ATF6: variants seen among roughly 807,000 people sequenced by gnomAD.
The protein encoded by ATF6 is cyclic AMP-dependent transcription factor ATF-6 alpha.
A neutral mutation model predicts 83.6 loss-of-function variants in ATF6; 53 were observed. That is an observed-to-expected ratio of 0.63 (90% CI 0.51 to 0.80). The LOEUF (loss-of-function observed/expected upper bound fraction) is 0.80, where lower values mean the gene tolerates loss of function less well. Ranked by LOEUF, ATF6 falls within the 30% of genes least tolerant of loss-of-function variation. The probability of loss-of-function intolerance (pLI) is 0.00; values close to 1 mark genes in which losing one functional copy is unlikely to be tolerated. For missense variants in ATF6, 744 were observed against 797.9 expected, an observed-to-expected ratio of 0.93 and a Z score of 0.81; for synonymous variants, 288 against 285.8, an observed-to-expected ratio of 1.01 and a Z score of -0.08.
chr1:161,777,472 G>A (rs1033247580), intron 1 of ATF6, among the ~76,000 whole-genome samples: 1 of 152,196 alleles, frequency 6.6e-6, no homozygotes, highest in African/African-American at 2.4e-5. Context: ...AGTTTCAGCA[G>A]CATAAAATAG....
chr1:161,930,707 C>G (rs1461308804), intron 15 of ATF6, among the ~76,000 whole-genome samples: 1 of 151,962 alleles, frequency 6.6e-6, no homozygotes, highest in African/African-American at 2.4e-5. Context: ...TATCTCCATG[C>G]CTTCAAGAAA....
intron 9 of ATF6, among the ~76,000 whole-genome samples, chr1:161,842,566 A>G (rs891709584): frequency 3.9e-5 from 6 of 152,178 alleles, no homozygotes; most frequent in Non-Finnish European, 7.4e-5. Context: ...ATTCGCAGCA[A>G]CCTGGATGGG....
rs373774181 is a variant in ATF6, at chr1:161,783,981, G to A, written c.248-9G>A. 1.9e-4 allele frequency: 295 copies of A among 1,581,376 alleles called. No homozygotes were observed. Among genetic ancestry groups the A allele is most frequent in the Non-Finnish European group, 2.3e-4 (270 of 1,151,614 alleles). ...CCAGTGGGTAAAACCTTTCCTCCAT[G>A]TTTTCCAGTTAAAGATATTAAGGCA... On this transcript the variant is annotated splice_polypyrimidine_tract_variant and intron_variant, in intron 3 of 15. Coordinates refer to ENST00000367942, the MANE Select transcript of ATF6 (RefSeq NM_007348.4).
intron 7 of ATF6, among the ~76,000 whole-genome samples, chr1:161,808,577 TA>T (rs1169948479): frequency 6.6e-6 from 1 of 152,116 alleles, no homozygotes; most frequent in African/African-American, 2.4e-5. Context: ...TTTATTTATT[TA>T]TTTATTTTTT....
chr1:161,819,845 G>A (rs376743569), intron 8 of ATF6, 27 bp downstream of exon 8: 51 of 1,569,406 alleles, frequency 3.2e-5, no homozygotes, highest in South Asian at 5.9e-5. Context: ...CGGCTGAGTC[G>A]AGATGGGCTA....
chr1:161,771,332 G>T (rs865853532), intron 1 of ATF6, among the ~76,000 whole-genome samples: 1 of 152,042 alleles, frequency 6.6e-6, no homozygotes, highest in African/African-American at 2.4e-5. Flanking sequence ...TATGTCTTCA[G>T]TCTCTTCTGT....
intron 15 of ATF6, among the ~76,000 whole-genome samples, chr1:161,934,493 G>A (rs1419747181): frequency 6.6e-6 from 1 of 152,146 alleles, no homozygotes; most frequent in Non-Finnish European, 1.5e-5. Context: ...CAAAGCTTCT[G>A]TTGGCTGTAC....
chr1:161,878,731 T>C (rs893224250), intron 14 of ATF6, among the ~76,000 whole-genome samples: 6 of 152,120 alleles, frequency 3.9e-5, no homozygotes, highest in African/African-American at 1.4e-4. Flanking sequence ...TGGTTTATTC[T>C]TGAATACTGT....
intron 14 of ATF6, among the ~76,000 whole-genome samples, chr1:161,909,220 C>T (rs1379458171): frequency 6.6e-6 from 1 of 152,124 alleles, no homozygotes; most frequent in Non-Finnish European, 1.5e-5. Context: ...CTCCATAATC[C>T]TCAACTTGCA....
intron 1 of ATF6, among the ~76,000 whole-genome samples, chr1:161,775,955 A>G (rs1245967239): frequency 1.3e-5 from 2 of 152,158 alleles, no homozygotes; most frequent in Non-Finnish European, 2.9e-5. Flanking sequence ...AAACATCTGC[A>G]TATGTGTGTA....
intron 9 of ATF6, among the ~76,000 whole-genome samples, chr1:161,823,713 T>C (rs949027958): frequency 1.4e-4 from 21 of 152,220 alleles, no homozygotes; most frequent in African/African-American, 3.4e-4. Flanking sequence ...TAATCTGTTA[T>C]GATATATTGT....
intron 14 of ATF6, among the ~76,000 whole-genome samples, chr1:161,905,500 T>C (rs1687862251): frequency 6.6e-6 from 1 of 152,222 alleles, no homozygotes; most frequent in Non-Finnish European, 1.5e-5. Context: ...TAGGAGGCAA[T>C]GTAATCTTCA....
intron 1 of ATF6, among the ~76,000 whole-genome samples, chr1:161,767,343 C>T (rs1223011362): frequency 6.6e-6 from 1 of 152,098 alleles, no homozygotes; most frequent in African/African-American, 2.4e-5. Flanking sequence ...TTTTATTGAA[C>T]AAAGTCATTT....
rs140193516 is a variant in ATF6, at chr1:161,939,293, C to G, written c.1805-19153C>G. ...ACATTGAAATATCCCAAGGCCTAGA[C>G]CCTCTAGTCTTTGGCCTAGGTGATC... On this transcript the variant is annotated intron_variant, in intron 15 of 15. Transcript: ENST00000367942. 2.6e-3 allele frequency among the ~76,000 whole-genome samples: 399 copies of G among 152,326 alleles called. 5 individuals carry two copies. Among genetic ancestry groups the G allele is most frequent in the African/African-American group, 9.4e-3 (390 of 41,580 alleles).
chr1:161,949,202 A>AT (rs1274103798), intron 15 of ATF6, among the ~76,000 whole-genome samples: 1 of 152,218 alleles, frequency 6.6e-6, no homozygotes, highest in African/African-American at 2.4e-5. Context: ...CTGTGGGGCC[A>AT]TGTCTACACA....
intron 14 of ATF6, among the ~76,000 whole-genome samples, chr1:161,878,525 G>A (rs866139436): frequency 3.9e-5 from 6 of 152,104 alleles, no homozygotes; most frequent in African/African-American, 1.4e-4. Context: ...ATTGGAGAAG[G>A]ATGAGAGCAG....
At chr1:161,922,903 G>A (rs937963433) in intron 15 of ATF6, among the ~76,000 whole-genome samples, 4 of 152,072 alleles carry the variant, frequency 2.6e-5, no homozygotes, top group African/African-American at 9.7e-5. Context: ...TAGTGGGAAG[G>A]TGCTGAGGAG....
chr1:161,896,510 C>G (rs980773491), intron 14 of ATF6, among the ~76,000 whole-genome samples: 1 of 152,184 alleles, frequency 6.6e-6, no homozygotes, highest in African/African-American at 2.4e-5. Flanking sequence ...CCCAGTTACT[C>G]AAATTTAAAA....
At chr1:161,782,304 T>C (rs1424587081) in intron 3 of ATF6, among the ~76,000 whole-genome samples, 1 of 152,194 alleles carries the variant, frequency 6.6e-6, no homozygotes, top group Non-Finnish European at 1.5e-5. Flanking sequence ...CAGACAGGGC[T>C]TAGGGAATCA....
Sources: allele counts gnomAD v4.1 joint callset (sites outside exome capture counted in the v4.1 genomes callset), GRCh38; gene constraint gnomAD v4.1.1; transcripts MANE v1.5; gene names NCBI Gene and HGNC (gene_info 2026-07-23, HGNC 2026-07-21).